The following RIMS2 variants were observed in gnomAD, a reference collection of about 807,000 sequenced individuals.
RIMS2 encodes the protein regulating synaptic membrane exocytosis protein 2.
RIMS2 carries 59 observed loss-of-function variants against 174.4 expected under a neutral mutation model. The ratio of observed to expected loss-of-function variants is 0.34; its 90% CI spans 0.27 to 0.42. The LOEUF is 0.42. Among genes scored for constraint, RIMS2 ranks in the 10% least tolerant of loss-of-function variants. The pLI, the probability that RIMS2 is intolerant of heterozygous loss-of-function variation, is 1.00. For missense variants in RIMS2, 1,620 were observed against 1,666.3 expected, an observed-to-expected ratio of 0.97 and a Z score of 0.48; for synonymous variants, 606 against 572.5, an observed-to-expected ratio of 1.06 and a Z score of -0.84.
intron 1 of RIMS2, among the ~76,000 whole-genome samples, chr8:103,584,460 T>C (rs921279361): frequency 6.6e-5 from 10 of 152,058 alleles, no homozygotes; most frequent in Non-Finnish European, 1.2e-4. Context: ...ACACTATAAC[T>C]GTGGTGTGTA....
At chr8:104,224,761 A>G (rs763224276) in intron 19 of RIMS2, among the ~76,000 whole-genome samples, 1 of 152,136 alleles carries the variant, frequency 6.6e-6, no homozygotes, top group Non-Finnish European at 1.5e-5. Context: ...AAACAGATTG[A>G]AATATTTTTT....
intron 1 of RIMS2, among the ~76,000 whole-genome samples, chr8:103,552,977 A>C (rs1371949539): frequency 6.6e-6 from 1 of 152,180 alleles, no homozygotes; most frequent in East Asian, 1.9e-4. Context: ...GAGAAATAGG[A>C]ACACTTTTAC....
At chr8:103,924,375 A>T (rs2078314217) in intron 10 of RIMS2, among the ~76,000 whole-genome samples, 1 of 151,704 alleles carries the variant, frequency 6.6e-6, no homozygotes, top group South Asian at 2.1e-4. Context: ...GCATCCAGGA[A>T]AACATAACTA....
chr8:104,155,126 A>G lies in RIMS2; in HGVS notation c.3335-89790A>G, dbSNP rs1360140790. ...TGTTTTTGTTTTGTTTTGTTTTTTG[A>G]GATGGAGTCTCGCTCTGTCTCCCAG... On this transcript the variant is annotated intron_variant, in intron 19 of 23. Coordinates refer to ENST00000504942, the Ensembl canonical transcript of RIMS2. Among the ~76,000 whole-genome samples the G allele has an allele frequency of 2.0e-5, 3 of 151,768 alleles. No individual in the cohort carries two copies. In the East Asian group the frequency reaches 5.8e-4, roughly 29 times the overall value.
At chr8:104,180,261 C>A (rs968348698) in intron 19 of RIMS2, among the ~76,000 whole-genome samples, 1 of 151,578 alleles carries the variant, frequency 6.6e-6, no homozygotes. Flanking sequence ...GCAAATTACC[C>A]TCTAAAAGTA....
intron 2 of RIMS2, among the ~76,000 whole-genome samples, chr8:103,745,538 A>G (rs1313952204): frequency 6.6e-6 from 1 of 152,192 alleles, no homozygotes; most frequent in Non-Finnish European, 1.5e-5. Flanking sequence ...TTGAGGAACT[A>G]CCAAGTTGTT....
intron 19 of RIMS2, among the ~76,000 whole-genome samples, chr8:104,144,119 T>C (rs1380471114): frequency 2.6e-5 from 4 of 152,180 alleles, no homozygotes; most frequent in Non-Finnish European, 5.9e-5. Flanking sequence ...CTTGTTTTTC[T>C]CCTAATGATT....
At chr8:103,876,909 T>TATATATATATATATATAC (rs71297243) in intron 3 of RIMS2, among the ~76,000 whole-genome samples, 4 of 66,128 alleles carry the variant, frequency 6.0e-5, no homozygotes, top group Non-Finnish European at 1.5e-4. Context: ...TATATATATA[T>TATATATATATATATATAC]ACACACACAC....
intron 1 of RIMS2, among the ~76,000 whole-genome samples, chr8:103,522,609 A>T (rs547495254): frequency 6.0e-4 from 92 of 152,248 alleles, no homozygotes; most frequent in African/African-American, 2.2e-3. Context: ...TTTACCACTT[A>T]CAAATGACTT....
chr8:103,664,602 C>T (rs1204770089), intron 1 of RIMS2, among the ~76,000 whole-genome samples: 1 of 152,090 alleles, frequency 6.6e-6, no homozygotes, highest in Admixed American at 6.5e-5. Flanking sequence ...GTTAGAATGG[C>T]AATCATTAAA....
chr8:103,832,065 C>T (rs1272375745), intron 3 of RIMS2, among the ~76,000 whole-genome samples: 1 of 152,172 alleles, frequency 6.6e-6, no homozygotes, highest in Non-Finnish European at 1.5e-5. Flanking sequence ...GTTACAAAAA[C>T]ATCTTATTTG....
intron 19 of RIMS2, among the ~76,000 whole-genome samples, chr8:104,225,799 C>G (rs978784118): frequency 1.3e-5 from 2 of 152,086 alleles, no homozygotes; most frequent in African/African-American, 2.4e-5. Flanking sequence ...TAAAGTTAAC[C>G]ATACAGTTCT....
intron 19 of RIMS2, among the ~76,000 whole-genome samples, chr8:104,088,744 G>A (rs894470487): frequency 2.6e-5 from 4 of 151,932 alleles, no homozygotes; most frequent in Non-Finnish European, 4.4e-5. Context: ...GTTGGAAATG[G>A]CCAAACCTAA....
At chr8:104,190,927 C>A (rs1168781461) in intron 19 of RIMS2, among the ~76,000 whole-genome samples, 1 of 124,896 alleles carries the variant, frequency 8.0e-6, no homozygotes, top group African/African-American at 3.3e-5. Context: ...TAATTCTTCT[C>A]TTTTTTTGTT....
At chr8:104,172,543 C>T (rs985876223) in intron 19 of RIMS2, among the ~76,000 whole-genome samples, 1 of 152,160 alleles carries the variant, frequency 6.6e-6, no homozygotes, top group Non-Finnish European at 1.5e-5. Flanking sequence ...TCTGTGTTTA[C>T]TTTTGTGCTC....
chr8:103,897,088 A>G (rs919499503), intron 4 of RIMS2, among the ~76,000 whole-genome samples: 2 of 151,554 alleles, frequency 1.3e-5, no homozygotes, highest in African/African-American at 4.9e-5. Context: ...TCCCATGGAT[A>G]TTTTCACAAA....
At chr8:104,133,964 C>G (rs998272304) in intron 19 of RIMS2, among the ~76,000 whole-genome samples, 1 of 152,058 alleles carries the variant, frequency 6.6e-6, no homozygotes, top group Non-Finnish European at 1.5e-5. Context: ...CTTGTTACAA[C>G]TAGGCAACTG....
At chr8:103,659,004 T>A (rs2136026507) in intron 1 of RIMS2, among the ~76,000 whole-genome samples, 1 of 152,340 alleles carries the variant, frequency 6.6e-6, no homozygotes, top group Admixed American at 6.5e-5. Context: ...GAAATGTTTA[T>A]CTTTTTGTTT....
intron 14 of RIMS2, among the ~76,000 whole-genome samples, chr8:103,959,752 T>A (rs2089227944): frequency 6.6e-6 from 1 of 152,096 alleles, no homozygotes; most frequent in African/African-American, 2.4e-5. Flanking sequence ...TATACAATTT[T>A]GCAATTTGAT....
Sources: gnomAD v4.1 joint callset for allele counts (sites outside exome capture counted in the v4.1 genomes callset) on GRCh38, gnomAD v4.1.1 for gene constraint, MANE v1.5 for transcripts, NCBI Gene and HGNC (gene_info 2026-07-23, HGNC 2026-07-21) for gene names.